HIPK3: variants seen among roughly 807,000 people sequenced by gnomAD.
HIPK3 encodes homeodomain interacting protein kinase 3.
A neutral mutation model predicts 124.2 loss-of-function variants in HIPK3; 47 were observed. The observed-to-expected ratio is 0.38, with a 90% CI of 0.30 to 0.48. The LOEUF (loss-of-function observed/expected upper bound fraction) is 0.48, where lower values mean the gene tolerates loss of function less well. Among genes scored for constraint, HIPK3 ranks in the 20% least tolerant of loss-of-function variants. The probability of loss-of-function intolerance (pLI) is 0.98; values close to 1 mark genes in which losing one functional copy is unlikely to be tolerated. For missense variants in HIPK3, 1,286 were observed against 1,454.3 expected (o/e 0.88, Z 1.88); for synonymous variants, 482 against 515.2 (o/e 0.94, Z 0.87).
rs1038856121 is a variant in HIPK3 at position 33,322,201 on chromosome 11, G to A, written c.1098-6309G>A. Among the ~76,000 whole-genome samples the A allele has an allele frequency of 2.2e-4, 33 of 151,844 alleles. 1 individual carries two copies. The highest frequency in any genetic ancestry group is 1.2e-3 in the South Asian group (6 of 4,818). Reference sequence around the variant, plus strand: ...TTTTTAGTAGAGATGGGGTTTCACCGTGTTAGCCAGGATGGTCTCGATCTC... The same window carrying A: ...TTTTTAGTAGAGATGGGGTTTCACCATGTTAGCCAGGATGGTCTCGATCTC... On this transcript the variant is annotated intron_variant, in intron 2 of 16. Coordinates refer to ENST00000303296, the MANE Select transcript of HIPK3 (RefSeq NM_005734.5).
In HIPK3 at chr11:33,286,391, CTTTTTTTTT is replaced by C; in HGVS notation, c.-2-13_-2-5del. The C allele has an allele frequency of 8.6e-7, 1 of 1,163,608 alleles. No homozygotes were observed. The highest frequency in any genetic ancestry group is 4.6e-5 in the Admixed American group (1 of 21,722). The allele number at this position is 1,163,608 out of a possible 1,614,324, so 72.1% of individuals were successfully genotyped here. A position where few individuals can be genotyped will look rare whatever the true frequency, so the allele number is the denominator to read the frequency against. ...TTCTTCTTTCCTTTTTTTTCTTTTC[CTTTTTTTTT>C]TTTTTTTTGCAGGTATGGCCTCACA... On this transcript the variant is annotated splice_polypyrimidine_tract_variant and intron_variant, in intron 1 of 16. Coordinates refer to ENST00000303296, the MANE Select transcript of HIPK3 (RefSeq NM_005734.5).
In HIPK3 at chr11:33,257,894, G is replaced by A. The variant is rs1850708740; in HGVS notation, c.-3+5G>A. The A allele has an allele frequency of 3.0e-6, 3 of 985,674 alleles. No homozygotes were observed. The highest frequency in any genetic ancestry group is 3.6e-6 in the Non-Finnish European group (3 of 830,166). The allele number at this position is 985,674 out of a possible 1,614,324, so 61.1% of individuals were successfully genotyped here. On this transcript the variant is annotated splice_donor_5th_base_variant and intron_variant, in intron 1 of 16. Transcript: ENST00000303296. The stretch of plus-strand genomic sequence containing the variant: ...AGAGCGCGGGCCTCTAGGAAGGTAA[G>A]GGAGTCGAGCGAGGGGCGCCGCCAC...
In HIPK3 at chr11:33,353,230, G is replaced by T. The variant is rs761725983; in HGVS notation, c.3310G>T (p.Ala1104Ser). 2.5e-6 allele frequency: 4 copies of T among 1,613,962 alleles called. No homozygotes were observed. Among genetic ancestry groups the T allele is most frequent in the Non-Finnish European group, 3.4e-6 (4 of 1,180,000 alleles). Residue 1104 changes from alanine to serine, a missense_variant, in exon 17 of 17, where the codon GCC becomes TCC. Ala to Ser is a moderately conservative substitution (Grantham distance 99, BLOSUM62 1). This residue lies in a region of HIPK3 where 810 missense variants were observed against 864.9 expected (regional missense o/e 0.94). Transcript: ENST00000303296. ...HGSPNHTAVH[A>S]HLAGNTHLGG... is the part of the protein sequence containing the mutation. ...AAGTCCCAATCACACAGCAGTGCAT[G>T]CCCACCTGGCTGGAAATACACACCT... is the stretch of plus-strand genomic sequence containing the variant.
chr11:33,297,734 C>T lies in HIPK3; in HGVS notation c.1097+10223C>T, dbSNP rs150595625. ...ATGATACCATCTAGGACTTTCATAG[C>T]TAGAGAGAAGTCAATGCCTGGCTTC... On this transcript the variant is annotated intron_variant, in intron 2 of 16. Transcript: ENST00000303296. 2.6e-3 allele frequency among the ~76,000 whole-genome samples: 380 copies of T among 148,556 alleles called. 2 individuals carry two copies. The highest frequency in any genetic ancestry group is 9.2e-3 in the African/African-American group (369 of 40,190).
At chr11:33,323,977 C>T (rs570693915) in intron 2 of HIPK3, among the ~76,000 whole-genome samples, 1 of 152,310 alleles carries the variant, frequency 6.6e-6, no homozygotes, top group African/African-American at 2.4e-5. Context: ...GATGTCTATT[C>T]TCTGCAATAT....
At position 33,333,657 on chromosome 11, in the gene HIPK3, G is replaced by C. The variant is rs576145920; in HGVS notation, c.1222-3418G>C. Reference sequence around the variant, plus strand: ...GACAGTATGACAAGTAATAAACTCAGATTTTCACTGGCCACTTTTGTTTGT... The same window carrying C: ...GACAGTATGACAAGTAATAAACTCACATTTTCACTGGCCACTTTTGTTTGT... On this transcript the variant is annotated intron_variant, in intron 3 of 16. Transcript: ENST00000303296. Among the ~76,000 whole-genome samples, 16 of 152,236 alleles carry C rather than the reference G, an allele frequency of 1.1e-4. No individual in the cohort carries two copies. In the East Asian group the frequency reaches 2.9e-3, roughly 28 times the overall value.
At chr11:33,314,300 T>C (rs1590391700) in intron 2 of HIPK3, among the ~76,000 whole-genome samples, 1 of 152,164 alleles carries the variant, frequency 6.6e-6, no homozygotes, top group African/African-American at 2.4e-5. Context: ...ATAATGTATC[T>C]ACCTCAAAGG....
chr11:33,275,716 A>T (rs572920132), intron 1 of HIPK3, among the ~76,000 whole-genome samples: 1 of 152,316 alleles, frequency 6.6e-6, no homozygotes, highest in South Asian at 2.1e-4. Context: ...AATTTATTGG[A>T]TCATATAGTG....
chr11:33,335,464 A>G (rs1463583749), intron 3 of HIPK3, among the ~76,000 whole-genome samples: 1 of 152,192 alleles, frequency 6.6e-6, no homozygotes, highest in Non-Finnish European at 1.5e-5. Flanking sequence ...ATAAGGATTT[A>G]TATGTGATTA....
At position 33,354,822 on chromosome 11, in the gene HIPK3, G is replaced by A. The variant is rs1174815840; in HGVS notation, c.*1254G>A. On this transcript the variant is annotated 3_prime_UTR_variant, in exon 17 of 17. Transcript: ENST00000303296. ...ATGCTTTTTTTTCTTTCTAGGAAGT[G>A]TGTTGAGTTCCCCCCTTCCCCGACA... 6.6e-6 allele frequency: 1 copy of A among 151,634 alleles called. No homozygotes were observed. Among genetic ancestry groups the A allele is most frequent in the Non-Finnish European group, 1.5e-5 (1 of 67,896 alleles). The allele number at this position is 151,634 out of a possible 1,614,324, so 9.4% of individuals were successfully genotyped here. A position where few individuals can be genotyped will look rare whatever the true frequency, so the allele number is the denominator to read the frequency against.
intron 2 of HIPK3, among the ~76,000 whole-genome samples, chr11:33,318,150 G>T (rs1852559571): frequency 6.6e-6 from 1 of 152,136 alleles, no homozygotes; most frequent in Non-Finnish European, 1.5e-5. Context: ...TAAAGAAAAA[G>T]AGATTATTGA....
intron 1 of HIPK3, among the ~76,000 whole-genome samples, chr11:33,268,591 C>CAAAAAAAAAAAAAAAAA (rs35408664): frequency 2.6e-5 from 2 of 76,036 alleles, no homozygotes; most frequent in Non-Finnish European, 5.0e-5. Flanking sequence ...ACTCCGTCAC[C>CAAAAAAAAAAAAAAAAA]AAAAAAAAAA....
chr11:33,274,793 A>G (rs901026648), intron 1 of HIPK3, among the ~76,000 whole-genome samples: 6 of 152,162 alleles, frequency 3.9e-5, no homozygotes, highest in African/African-American at 1.4e-4. Flanking sequence ...CAGCTTTGAA[A>G]TGTCCAACAG....
At chr11:33,273,580 C>A (rs1851197507) in intron 1 of HIPK3, among the ~76,000 whole-genome samples, 1 of 143,978 alleles carries the variant, frequency 6.9e-6, no homozygotes, top group South Asian at 2.2e-4. Flanking sequence ...TTAAAAAGGG[C>A]ATTTATATAA....
intron 2 of HIPK3, among the ~76,000 whole-genome samples, chr11:33,325,276 G>A (rs1444994438): frequency 6.6e-6 from 1 of 152,156 alleles, no homozygotes; most frequent in East Asian, 1.9e-4. Flanking sequence ...TATATCTTAG[G>A]TGCTGTTATT....
intron 8 of HIPK3, 54 bp from the exon 9 acceptor site, chr11:33,347,239 A>T: frequency 6.7e-7 from 1 of 1,503,614 alleles, no homozygotes; most frequent in Non-Finnish European, 9.1e-7. Context: ...TAATTGTATA[A>T]GTTAAATAAG....
At chr11:33,344,906 C>T (rs888109916) in intron 8 of HIPK3, among the ~76,000 whole-genome samples, 28 of 152,156 alleles carry the variant, frequency 1.8e-4, no homozygotes, top group Admixed American at 1.5e-3. Context: ...TGCCCCTCCC[C>T]TTCATTTACC....
intron 2 of HIPK3, among the ~76,000 whole-genome samples, chr11:33,290,547 T>C (rs1034490047): frequency 2.0e-5 from 3 of 151,978 alleles, no homozygotes; most frequent in Non-Finnish European, 4.4e-5. Flanking sequence ...GTAAATGACT[T>C]CACTTCATTT....
intron 4 of HIPK3, among the ~76,000 whole-genome samples, chr11:33,338,161 T>G (rs1853214163): frequency 6.6e-6 from 1 of 152,266 alleles, no homozygotes; most frequent in South Asian, 2.1e-4. Context: ...AACCACTTAC[T>G]ACATATCCCA....
Sources: allele counts gnomAD v4.1 joint callset (sites outside exome capture counted in the v4.1 genomes callset), GRCh38; gene constraint gnomAD v4.1.1; regional missense constraint gnomAD v4.1.1; transcripts MANE v1.5; gene names NCBI Gene and HGNC (gene_info 2026-07-23, HGNC 2026-07-21).